PAPPA2: variants seen among roughly 807,000 people sequenced by gnomAD.
PAPPA2 encodes the protein pappalysin-2.
In PAPPA2, 86 loss-of-function variants were observed where a neutral mutation model predicts 176.4. The ratio of observed to expected loss-of-function variants is 0.49; its 90% confidence interval spans 0.41 to 0.58. The LOEUF is 0.58. Ranked by LOEUF, PAPPA2 falls within the 20% of genes least tolerant of loss-of-function variation. The pLI, the probability that PAPPA2 is intolerant of heterozygous loss-of-function variation, is 0.00. For missense variants in PAPPA2, 2,073 were observed against 2,256.9 expected, an observed-to-expected ratio of 0.92 and a Z score of 1.65; for synonymous variants, 809 against 852.2, an observed-to-expected ratio of 0.95 and a Z score of 0.88.
intron 17 of PAPPA2, among the ~76,000 whole-genome samples, chr1:176,778,167 C>A (rs1017922132): frequency 6.6e-6 from 1 of 150,928 alleles, no homozygotes; most frequent in Non-Finnish European, 1.5e-5. Flanking sequence ...AGAAAACACA[C>A]CAAAATAGAA....
chr1:176,632,337 T>C (rs1656390556), intron 3 of PAPPA2, among the ~76,000 whole-genome samples: 1 of 151,870 alleles, frequency 6.6e-6, no homozygotes, highest in Non-Finnish European at 1.5e-5. Context: ...TGTGGGCTAC[T>C]GTATGTAAAG....
At chr1:176,706,868 A>G (rs1261710030) in intron 10 of PAPPA2, among the ~76,000 whole-genome samples, 1 of 152,202 alleles carries the variant, frequency 6.6e-6, no homozygotes, top group East Asian at 1.9e-4. Context: ...AATTAGGGTA[A>G]GGAAACATTC....
At chr1:176,839,404 T>C (rs1160564505) in intron 21 of PAPPA2, among the ~76,000 whole-genome samples, 1 of 152,198 alleles carries the variant, frequency 6.6e-6, no homozygotes, top group Admixed American at 6.5e-5. Flanking sequence ...GCCTTTCCCA[T>C]TTTAGTTCGT....
At chr1:176,576,409 C>A in intron 2 of PAPPA2, among the ~76,000 whole-genome samples, 1 of 151,946 alleles carries the variant, frequency 6.6e-6, no homozygotes, top group East Asian at 1.9e-4. Context: ...CCCAATGTTA[C>A]TGTGCAGGTG....
Position 176,695,782 on chromosome 1 carries a change from T to C in PAPPA2, c.2669T>C (p.Phe890Ser). Reference sequence around the variant, plus strand: ...GGCGCTTGCACTGAAGATGGGACCTTTCGTCAGTATGTGCACACAGCTTCC... The same window carrying C: ...GGCGCTTGCACTGAAGATGGGACCTCTCGTCAGTATGTGCACACAGCTTCC... ...LCGACTEDGT[F>S]RQYVHTASSR... is the part of the protein sequence containing the mutation. Residue 890 changes from phenylalanine to serine, a missense_variant, in exon 7 of 23, where the codon TTT becomes TCT. Transcript: ENST00000367662. The C allele has an allele frequency of 6.2e-7, 1 of 1,614,024 alleles. No homozygotes were observed. Among genetic ancestry groups the C allele is most frequent in the Non-Finnish European group, 8.5e-7 (1 of 1,179,950 alleles).
chr1:176,576,287 A>G (rs905732029), intron 2 of PAPPA2, among the ~76,000 whole-genome samples: 1 of 152,158 alleles, frequency 6.6e-6, no homozygotes, highest in Non-Finnish European at 1.5e-5. Context: ...AAGAGTTTTA[A>G]TCTTGACTTC....
intron 19 of PAPPA2, among the ~76,000 whole-genome samples, chr1:176,791,963 T>C (rs1048639295): frequency 4.6e-5 from 7 of 152,180 alleles, no homozygotes; most frequent in African/African-American, 1.7e-4. Context: ...CTAGACCAGA[T>C]GGATTTGTGG....
chr1:176,555,976 A>C lies in PAPPA2; in HGVS notation c.-347A>C. 4.3e-6 allele frequency: 1 copy of C among 233,038 alleles called. No individual in the cohort carries two copies. Among genetic ancestry groups the C allele is most frequent in the Non-Finnish European group, 8.4e-6 (1 of 119,694 alleles). 14.4% of individuals were successfully genotyped at this position (233,038 alleles called of 1,614,324 possible). ...GGGATTACTGAAGAAGAAGGGGGGA[A>C]AAAAAAAGAAAGAAATCTGAGCTTT... On this transcript the variant is annotated 5_prime_UTR_variant, in exon 2 of 23. Transcript: ENST00000367662.
chr1:176,563,915 G>C (rs1379783918), intron 2 of PAPPA2, among the ~76,000 whole-genome samples: 1 of 151,384 alleles, frequency 6.6e-6, no homozygotes, highest in African/African-American at 2.5e-5. Flanking sequence ...GACTCAAAAA[G>C]GCCTTGCAGG....
intron 14 of PAPPA2, among the ~76,000 whole-genome samples, chr1:176,745,790 GT>G (rs1662880866): frequency 6.6e-6 from 1 of 152,198 alleles, no homozygotes; most frequent in African/African-American, 2.4e-5. Flanking sequence ...TGGCAGAGAA[GT>G]TTGTGGAGGT....
chr1:176,580,346 T>C (rs1365910641), intron 2 of PAPPA2, among the ~76,000 whole-genome samples: 2 of 152,238 alleles, frequency 1.3e-5, no homozygotes, highest in Non-Finnish European at 2.9e-5. Flanking sequence ...GATTTCATTC[T>C]TTTTTATGGC....
intron 17 of PAPPA2, among the ~76,000 whole-genome samples, chr1:176,783,386 C>G (rs927890734): frequency 1.3e-5 from 2 of 152,074 alleles, no homozygotes; most frequent in Non-Finnish European, 2.9e-5. Context: ...TCTCGAAAAC[C>G]CTACAATGGT....
chr1:176,505,743 A>T (rs569699469), intron 1 of PAPPA2, among the ~76,000 whole-genome samples: 1 of 152,016 alleles, frequency 6.6e-6, no homozygotes, highest in Non-Finnish European at 1.5e-5. Flanking sequence ...CAAAAAAACA[A>T]AAACAAAACA....
At chr1:176,694,604 A>C (rs1187953249) in intron 6 of PAPPA2, among the ~76,000 whole-genome samples, 1 of 152,230 alleles carries the variant, frequency 6.6e-6, no homozygotes, top group Non-Finnish European at 1.5e-5. Flanking sequence ...CAGATGCGTC[A>C]TTCACAAGTG....
intron 17 of PAPPA2, 42 bp from the exon 18 acceptor site, chr1:176,789,767 T>C: frequency 2.5e-6 from 4 of 1,569,000 alleles, no homozygotes; most frequent in Non-Finnish European, 3.5e-6. Context: ...ATGACCTTCT[T>C]GAAAGATTCT....
At chr1:176,818,454 A>G (rs1375593228) in intron 21 of PAPPA2, among the ~76,000 whole-genome samples, 1 of 152,174 alleles carries the variant, frequency 6.6e-6, no homozygotes, top group Non-Finnish European at 1.5e-5. Context: ...GTCAATGGCA[A>G]CATCTGCCGT....
intron 1 of PAPPA2, among the ~76,000 whole-genome samples, chr1:176,475,195 A>G (rs1652056187): frequency 6.6e-6 from 1 of 152,200 alleles, no homozygotes; most frequent in Non-Finnish European, 1.5e-5. Flanking sequence ...AACAAGTGCA[A>G]TAGGTTTCCC....
intron 3 of PAPPA2, 106 bp downstream of exon 3, chr1:176,595,701 A>C (rs1393996986): frequency 9.5e-7 from 1 of 1,057,568 alleles, no homozygotes; most frequent in African/African-American, 1.6e-5. Context: ...CCTGAATAAG[A>C]CATTAATCCA....
chr1:176,661,729 G>C (rs1051606902), intron 3 of PAPPA2, among the ~76,000 whole-genome samples: 1 of 151,938 alleles, frequency 6.6e-6, no homozygotes, highest in Non-Finnish European at 1.5e-5. Context: ...ATCGTAGACT[G>C]TAAATCTCAT....
Sources: allele counts gnomAD v4.1 joint callset (sites outside exome capture counted in the v4.1 genomes callset), GRCh38; gene constraint gnomAD v4.1.1; transcripts MANE v1.5; gene names NCBI Gene and HGNC (gene_info 2026-07-23, HGNC 2026-07-21).